TAAR5: variants seen among roughly 807,000 people sequenced by gnomAD.
The protein encoded by TAAR5 is trace amine-associated receptor 5.
In TAAR5, 27 loss-of-function variants were observed where a neutral mutation model predicts 21.1. That is an observed-to-expected ratio of 1.28 (90% confidence interval 0.94 to 1.76). TAAR5 has a LOEUF of 1.76. Among genes scored for constraint, TAAR5 ranks in the 40% most tolerant of loss-of-function variants. TAAR5 has a pLI of 0.00. For missense variants in TAAR5, 495 were observed against 405.6 expected, an observed-to-expected ratio of 1.22 and a Z score of -1.89; for synonymous variants, 203 against 167.5, an observed-to-expected ratio of 1.21 and a Z score of -1.64.
chr6:132,608,725 C>T, the TAAR5 span: 1 of 455,716 alleles, frequency 2.2e-6, no homozygotes, highest in Non-Finnish European at 4.4e-6. Flanking sequence ...GAAATTGAAG[C>T]AAGCAACAAG....
At chr6:132,608,866 T>C in the TAAR5 span, 1 of 455,946 alleles carries the variant, frequency 2.2e-6, no homozygotes, top group Non-Finnish European at 4.4e-6. Context: ...GGTTGTGTAA[T>C]GTAAAGGGTA....
In TAAR5 at chr6:132,588,982, T is replaced by C. The variant is rs1282346432; in HGVS notation, c.705A>G (p.Thr235=). 1.2e-6 allele frequency: 2 copies of C among 1,613,928 alleles called. No individual in the cohort carries two copies. ...VATRQAQQIT[T]LSKSLAGAAK... The stretch of plus-strand genomic sequence containing the variant: ...CAGCCCCAGCCAGGCTTTTGCTCAA[T>C]GTGGTAATCTGCTGAGCCTGTCTGG... Residue 235 remains threonine, a synonymous_variant, in exon 1 of 1, where the codon ACA becomes ACG. Coordinates refer to ENST00000258034, the MANE Select transcript of TAAR5 (RefSeq NM_003967.3).
the TAAR5 span, among the ~76,000 whole-genome samples, chr6:132,606,636 C>G: frequency 6.6e-6 from 1 of 152,088 alleles, no homozygotes; most frequent in Non-Finnish European, 1.5e-5. Flanking sequence ...CTATCAATTA[C>G]GCATTTATTA....
At position 132,588,730 on chromosome 6, in the gene TAAR5, T is replaced by G; in HGVS notation, c.957A>C (p.Thr319=). The part of the protein sequence containing the change: ...YQWFRKALKL[T]LSQKVFSPQT... ...GCGGTGAGAAGACCTTCTGGCTCAG[T>G]GTGAGTTTCAGTGCCTTCCGAAACC... Residue 319 remains threonine (T), a synonymous_variant, in exon 1 of 1, where the codon ACA becomes ACC. Coordinates refer to ENST00000258034, the MANE Select transcript of TAAR5 (RefSeq NM_003967.3). 3 of 1,614,008 alleles carry G rather than the reference T, an allele frequency of 1.9e-6. No individual in the cohort carries two copies. The highest frequency in any genetic ancestry group is 2.5e-6 in the Non-Finnish European group (3 of 1,179,988).
At chr6:132,615,086 T>C in the TAAR5 span, among the ~76,000 whole-genome samples, 1 of 152,222 alleles carries the variant, frequency 6.6e-6, no homozygotes, top group East Asian at 1.9e-4. Context: ...ACGGTCTCCA[T>C]CTCTTGACCT....
the TAAR5 span, among the ~76,000 whole-genome samples, chr6:132,609,893 C>G: frequency 3.9e-5 from 6 of 152,162 alleles, no homozygotes; most frequent in African/African-American, 1.4e-4. Context: ...TTAAAACATG[C>G]ACCTGGGTCA....
chr6:132,599,566 T>A, the TAAR5 span, among the ~76,000 whole-genome samples: 4 of 152,032 alleles, frequency 2.6e-5, no homozygotes, highest in East Asian at 7.7e-4. Context: ...TAACCTCAGG[T>A]GATCCACCTG....
the TAAR5 span, among the ~76,000 whole-genome samples, chr6:132,611,999 C>T: frequency 6.6e-6 from 1 of 152,110 alleles, no homozygotes; most frequent in Non-Finnish European, 1.5e-5. Flanking sequence ...GTGCTTTTCT[C>T]TTGTTAAAAA....
At chr6:132,615,557 A>G in the TAAR5 span, among the ~76,000 whole-genome samples, 1 of 152,120 alleles carries the variant, frequency 6.6e-6, no homozygotes, top group African/African-American at 2.4e-5. Context: ...CTCAGTTTTC[A>G]CATCTGTAAC....
chr6:132,608,007 C>T, the TAAR5 span, among the ~76,000 whole-genome samples: 1 of 152,140 alleles, frequency 6.6e-6, no homozygotes, highest in Non-Finnish European at 1.5e-5. Context: ...TTTTCCCTAC[C>T]AGTCAGAGGT....
the TAAR5 span, among the ~76,000 whole-genome samples, chr6:132,596,720 T>C: frequency 1.3e-5 from 2 of 152,094 alleles, no homozygotes. Context: ...CACCAAGCCA[T>C]AGGGAAATAA....
chr6:132,601,107 A>AGGGGG, the TAAR5 span, among the ~76,000 whole-genome samples: 6 of 125,434 alleles, frequency 4.8e-5, no homozygotes, highest in Non-Finnish European at 1.0e-4. Flanking sequence ...GAAGGAGGGA[A>AGGGGG]GAAGGGAAGG....
the TAAR5 span, among the ~76,000 whole-genome samples, chr6:132,613,845 C>A: frequency 2.0e-5 from 3 of 152,182 alleles, no homozygotes; most frequent in African/African-American, 7.2e-5. Flanking sequence ...ATGTGCTCTA[C>A]ATGGCACCAA....
the TAAR5 span, among the ~76,000 whole-genome samples, chr6:132,616,356 T>C: frequency 1.6e-4 from 24 of 152,204 alleles, no homozygotes; most frequent in Non-Finnish European, 2.5e-4. Context: ...GAATGATGGA[T>C]TGAAAACAAA....
the TAAR5 span, among the ~76,000 whole-genome samples, chr6:132,612,629 G>A: frequency 6.6e-6 from 1 of 152,102 alleles, no homozygotes; most frequent in African/African-American, 2.4e-5. Context: ...AATGCAGTTG[G>A]GAGGTGCTGC....
the TAAR5 span, among the ~76,000 whole-genome samples, chr6:132,612,662 C>G: frequency 6.6e-6 from 1 of 152,066 alleles, no homozygotes; most frequent in South Asian, 2.1e-4. Flanking sequence ...GACACCCCTC[C>G]GTGTCCCATT....
chr6:132,589,260 G>T lies in TAAR5; in HGVS notation c.427C>A (p.Pro143Thr), dbSNP rs1054812130. Residue 143 changes from proline (P) to threonine (T), a missense_variant, in exon 1 of 1, where the codon CCC becomes ACC. Coordinates refer to ENST00000258034, the MANE Select transcript of TAAR5 (RefSeq NM_003967.3). ...GCCACCCTCACTGTGAACTTGGAGG[G>T]ATAGAGCAGGGGGTCACAGATGGCA... ...HCAICDPLLY[P>T]SKFTVRVALR... 1 of 1,609,614 alleles carries T rather than the reference G, an allele frequency of 6.2e-7. No individual in the cohort carries two copies. The highest frequency in any genetic ancestry group is 1.7e-5 in the Admixed American group (1 of 59,760).
the TAAR5 span, among the ~76,000 whole-genome samples, chr6:132,595,649 G>C: frequency 6.6e-6 from 1 of 152,218 alleles, no homozygotes; most frequent in East Asian, 1.9e-4. Context: ...AGTCACCTAG[G>C]GATCTTTTTA....
At chr6:132,591,918 G>C (rs1448477568), upstream of TAAR5, among the ~76,000 whole-genome samples, 1 of 152,212 alleles carries the variant, frequency 6.6e-6, no homozygotes, top group Non-Finnish European at 1.5e-5. Context: ...ATATTAATGA[G>C]TTAAAATTCA....
Sources: gnomAD v4.1 joint callset for allele counts (sites outside exome capture counted in the v4.1 genomes callset) on GRCh38, gnomAD v4.1.1 for gene constraint, MANE v1.5 for transcripts, NCBI Gene and HGNC (gene_info 2026-07-23, HGNC 2026-07-21) for gene names.